Variants in TIMM44 observed in about 807,000 individuals in gnomAD.
The protein encoded by TIMM44 is mitochondrial import inner membrane translocase subunit TIM44.
A neutral mutation model predicts 63.8 loss-of-function variants in TIMM44; 37 were observed. The observed-to-expected ratio is 0.58, with a 90% CI of 0.45 to 0.76. The LOEUF (loss-of-function observed/expected upper bound fraction) is 0.76. Among genes scored for constraint, TIMM44 ranks in the 30% least tolerant of loss-of-function variants. The pLI is 0.00. For synonymous variants in TIMM44, 239 were observed against 245.1 expected (o/e 0.98, Z 0.23); for missense variants, 573 against 603.8 (o/e 0.95, Z 0.54).
At chr19:7,931,227 G>C (rs1159614185) in intron 9 of TIMM44, 39 bp from the exon 10 acceptor site, 2 of 1,580,672 alleles carry the variant, frequency 1.3e-6, no homozygotes, top group African/African-American at 2.7e-5. Flanking sequence ...AACGAGAGTG[G>C]GCTTTTCAGG....
chr19:7,934,282 G>A lies in TIMM44; in HGVS notation c.394-44C>T. 6.2e-7 allele frequency: 1 copy of A among 1,604,838 alleles called. No individual in the cohort carries two copies. Among genetic ancestry groups the A allele is most frequent in the Middle Eastern group, 1.7e-4 (1 of 6,044 alleles). ...AGAGGGGGCGTTGGCACCGGCCCTG[G>A]CGGCCGGGGGGCGGGGCAGGAGGAA... On this transcript the variant is annotated intron_variant, in intron 4 of 12. Coordinates refer to ENST00000270538, the MANE Select transcript of TIMM44 (RefSeq NM_006351.4). This position sits in a 1 kb window ranked among gnomAD's most constrained non-coding sequence, Gnocchi z 5.3.
intron 3 of TIMM44, among the ~76,000 whole-genome samples, chr19:7,935,483 T>A (rs999689879): frequency 4.6e-5 from 7 of 152,240 alleles, no homozygotes; most frequent in Middle Eastern, 3.4e-3. Context: ...TGTCTTTAAG[T>A]CTGTATGTTC....
In TIMM44 at chr19:7,943,055, A is replaced by G. The variant is rs1406186264; in HGVS notation, c.45+552T>C. Among the ~76,000 whole-genome samples, 17 of 151,364 alleles carry G rather than the reference A, an allele frequency of 1.1e-4. No homozygotes were observed. The highest frequency in any genetic ancestry group is 1.6e-4 in the Non-Finnish European group (11 of 67,838). Reference sequence around the variant, plus strand: ...AACTCTGTCTCAAAAAAAAAAAAAAAAGAGAAAAAAGAAAAAACGAAGAGC... The same window carrying G: ...AACTCTGTCTCAAAAAAAAAAAAAAGAGAGAAAAAAGAAAAAACGAAGAGC... On this transcript the variant is annotated intron_variant, in intron 1 of 12. Coordinates refer to ENST00000270538, the MANE Select transcript of TIMM44 (RefSeq NM_006351.4). The surrounding 1 kb of genome is among the most constrained non-coding windows in gnomAD (Gnocchi z 4.3).
chr19:7,933,580 A>C lies in TIMM44; in HGVS notation c.684-10T>G. 1.2e-6 allele frequency: 2 copies of C among 1,612,960 alleles called. No individual in the cohort carries two copies. The highest frequency in any genetic ancestry group is 1.7e-6 in the Non-Finnish European group (2 of 1,179,106). On this transcript the variant is annotated splice_polypyrimidine_tract_variant and intron_variant, in intron 6 of 12. Coordinates refer to ENST00000270538, the MANE Select transcript of TIMM44 (RefSeq NM_006351.4). The surrounding 1 kb of genome is among the most constrained non-coding windows in gnomAD (Gnocchi z 4.3). ...GACCCCCAGGGCCTCCCTGGGGAAG[A>C]GGGTGGGCCCTGGGGTGAGCGGCGG...
chr19:7,942,199 T>C (rs550110200), intron 1 of TIMM44, among the ~76,000 whole-genome samples: 2 of 152,036 alleles, frequency 1.3e-5, no homozygotes, highest in East Asian at 3.9e-4. Flanking sequence ...ATACAAAAAT[T>C]AGCCGGGCGT....
At position 7,934,011 on chromosome 19, in the gene TIMM44, G is replaced by A. The variant is rs760914799; in HGVS notation, c.544-8C>T. The A allele has an allele frequency of 3.7e-6, 6 of 1,613,832 alleles. No homozygotes were observed. In the South Asian group the frequency reaches 6.6e-5, roughly 18 times the overall value. On this transcript the variant is annotated splice_polypyrimidine_tract_variant and splice_region_variant and intron_variant, in intron 5 of 12. Transcript: ENST00000270538. This position sits in a 1 kb window ranked among gnomAD's most constrained non-coding sequence, Gnocchi z 5.3. ...CTTCACGGACTCCACCCCCTGCGAG[G>A]GAGGCACAGCGGGGCTGGGGTGGGT...
chr19:7,931,256 G>C, intron 9 of TIMM44, 68 bp from the exon 10 acceptor site: 2 of 1,451,538 alleles, frequency 1.4e-6, no homozygotes, highest in Non-Finnish European at 1.9e-6. Flanking sequence ...GAGGTCCTGG[G>C]AACATTCTCC....
chr19:7,933,682 C>T lies in TIMM44; in HGVS notation c.684-112G>A. 1 of 1,296,916 alleles carries T rather than the reference C, an allele frequency of 7.7e-7. No individual in the cohort carries two copies. The highest frequency in any genetic ancestry group is 1.7e-5 in the Admixed American group (1 of 58,254). The allele number at this position is 1,296,916 out of a possible 1,614,324, so 80.3% of individuals were successfully genotyped here. Reference sequence around the variant, plus strand: ...GACAGCAGGCAGCTGAGACCTCAAACCTAGGGGCTCTGAGGACCCCGCCCT... The same window carrying T: ...GACAGCAGGCAGCTGAGACCTCAAATCTAGGGGCTCTGAGGACCCCGCCCT... On this transcript the variant is annotated intron_variant, in intron 6 of 12. Transcript: ENST00000270538. The surrounding 1 kb of genome is among the most constrained non-coding windows in gnomAD (Gnocchi z 4.3).
At position 7,932,872 on chromosome 19, in the gene TIMM44, C is replaced by T. The variant is rs746314129; in HGVS notation, c.830G>A (p.Arg277Gln). The T allele has an allele frequency of 1.4e-5, 23 of 1,614,094 alleles. No homozygotes were observed. Among genetic ancestry groups the T allele is most frequent in the South Asian group, 2.2e-5 (2 of 91,092 alleles). Reference sequence around the variant, plus strand: ...GTCGGTGACCTTGTCCGTAAGGGCCCGGGATGCCCGGATGAACGCGTTGTC... The same window carrying T: ...GTCGGTGACCTTGTCCGTAAGGGCCTGGGATGCCCGGATGAACGCGTTGTC... ...ESDNAFIRAS[R>Q]ALTDKVTDLL... is the part of the protein sequence containing the mutation. The change falls in exon 8 of 13, where the codon CGG (arginine) becomes CAG (glutamine). Residue 277 changes from arginine to glutamine, a missense_variant. Arg to Gln is a conservative substitution (Grantham distance 43). Coordinates refer to ENST00000270538, the MANE Select transcript of TIMM44 (RefSeq NM_006351.4).
Position 7,940,965 on chromosome 19 carries a change from A to G in TIMM44, c.141+137T>C, listed in dbSNP as rs867595438. The G allele has an allele frequency of 7.0e-6, 5 of 718,022 alleles. No homozygotes were observed. The African/African-American group carries it at 8.7e-5, about 13-fold the overall frequency. The allele number at this position is 718,022 out of a possible 1,614,324, so 44.5% of individuals were successfully genotyped here. ...AGGCACACTGGGATCTGTCATTCTG[A>G]AAGCCCCGGACACAGAAGGCCCACC... On this transcript the variant is annotated intron_variant, in intron 2 of 12. Transcript: ENST00000270538.
At chr19:7,928,348 G>A (rs544028900) in intron 10 of TIMM44, 182 bp from the exon 11 acceptor site, 61 of 601,260 alleles carry the variant, frequency 1.0e-4, no homozygotes, top group African/African-American at 7.2e-4. Flanking sequence ...CAGATCACAC[G>A]CTTCCCACTC....
intron 1 of TIMM44, 90 bp from the exon 2 acceptor site, chr19:7,941,287 GCAACTCA>G: frequency 2.0e-6 from 2 of 986,142 alleles, no homozygotes; most frequent in Non-Finnish European, 3.2e-6. Context: ...AGGGTCACCT[GCAACTCA>G]CTGGCCATTT....
chr19:7,932,943 T>G lies in TIMM44; in HGVS notation c.770-11A>C. 1 of 1,612,564 alleles carries G rather than the reference T, an allele frequency of 6.2e-7. No individual in the cohort carries two copies. Among genetic ancestry groups the G allele is most frequent in the South Asian group, 1.1e-5 (1 of 91,044 alleles). The stretch of plus-strand genomic sequence containing the variant: ...TCATCTCGAAGAACCCTGTGGAAGA[T>G]GGGGTAGGTGCTGGAGAAGGGGCCC... On this transcript the variant is annotated splice_polypyrimidine_tract_variant and intron_variant, in intron 7 of 12. Coordinates refer to ENST00000270538, the MANE Select transcript of TIMM44 (RefSeq NM_006351.4).
chr19:7,942,294 T>G (rs1236130354), intron 1 of TIMM44, among the ~76,000 whole-genome samples: 1 of 152,124 alleles, frequency 6.6e-6, no homozygotes, highest in Non-Finnish European at 1.5e-5. Context: ...GATCTTGCCT[T>G]AAGTTCTGTG....
intron 10 of TIMM44, among the ~76,000 whole-genome samples, chr19:7,929,984 G>C (rs1429568990): frequency 2.0e-5 from 3 of 151,970 alleles, no homozygotes; most frequent in Non-Finnish European, 4.4e-5. Context: ...GAGTAGCTGG[G>C]ATTACAGGCG....
chr19:7,927,877 C>G, intron 11 of TIMM44, 110 bp from the exon 12 acceptor site: 1 of 1,229,298 alleles, frequency 8.1e-7, no homozygotes, highest in Non-Finnish European at 1.2e-6. Flanking sequence ...CAGCACCAGG[C>G]CCAGCACCGG....
Position 7,934,335 on chromosome 19 carries a change from T to C in TIMM44, c.394-97A>G, listed in dbSNP as rs1474807751. Reference sequence around the variant, plus strand: ...AATTCCTGCCGGAGAGAAGGGCGGATCTGGTTCCCCGAGGCCGGCAGAGGC... The same window carrying C: ...AATTCCTGCCGGAGAGAAGGGCGGACCTGGTTCCCCGAGGCCGGCAGAGGC... On this transcript the variant is annotated intron_variant, in intron 4 of 12. Transcript: ENST00000270538. This position sits in a 1 kb window ranked among gnomAD's most constrained non-coding sequence, Gnocchi z 5.3. 1 of 1,537,106 alleles carries C rather than the reference T, an allele frequency of 6.5e-7. No individual in the cohort carries two copies. The highest frequency in any genetic ancestry group is 1.4e-5 in the African/African-American group (1 of 73,600).
chr19:7,941,822 T>G (rs533078066), intron 1 of TIMM44, among the ~76,000 whole-genome samples: 120 of 152,274 alleles, frequency 7.9e-4, no homozygotes, highest in Non-Finnish European at 1.3e-3. Context: ...AGTCTGAAAG[T>G]AGGCACTCTA....
At chr19:7,928,421 T>C (rs2145170923) in intron 10 of TIMM44, 1 of 520,472 alleles carries the variant, frequency 1.9e-6, no homozygotes, top group East Asian at 3.2e-5. Flanking sequence ...AAGTGGGTGA[T>C]TCTCTTGGAA....
Sources: gnomAD v4.1 joint callset for allele counts (sites outside exome capture counted in the v4.1 genomes callset) on GRCh38, gnomAD v4.1.1 for gene constraint, Gnocchi (gnomAD v3.1) non-coding constraint, MANE v1.5 for transcripts, NCBI Gene and HGNC (gene_info 2026-07-23, HGNC 2026-07-21) for gene names.